The following MPPED2 variants were observed in gnomAD, a reference collection of about 807,000 sequenced individuals.
MPPED2 encodes the protein metallophosphoesterase MPPED2.
Under a neutral mutation model 33.0 loss-of-function variants are expected in MPPED2, and 5 were observed. The observed-to-expected ratio is 0.15, with a 90% CI of 0.08 to 0.32. The LOEUF is 0.32. Among genes scored for constraint, MPPED2 ranks in the 10% least tolerant of loss-of-function variants. MPPED2 has a pLI of 1.00. For missense variants in MPPED2, 275 were observed against 372.1 expected (o/e 0.74, Z 2.15); for synonymous variants, 136 against 141.9 (o/e 0.96, Z 0.29).
intron 4 of MPPED2, among the ~76,000 whole-genome samples, chr11:30,482,997 C>T (rs1051368672): frequency 7.9e-5 from 12 of 152,122 alleles, no homozygotes; most frequent in Admixed American, 2.0e-4. Context: ...TAATCTTGAA[C>T]GGCACATACA....
chr11:30,585,342 G>C (rs962498146), intron 1 of MPPED2, among the ~76,000 whole-genome samples: 2 of 151,990 alleles, frequency 1.3e-5, no homozygotes, highest in African/African-American at 4.8e-5. Flanking sequence ...GTTGGGGCGC[G>C]GGGACGGGGT....
At chr11:30,535,809 A>G (rs541839200) in intron 3 of MPPED2, among the ~76,000 whole-genome samples, 185 bp downstream of exon 3, 1 of 152,166 alleles carries the variant, frequency 6.6e-6, no homozygotes, top group Non-Finnish European at 1.5e-5. Context: ...AAGGATGCAC[A>G]GTAAAATTAA....
At chr11:30,507,631 T>C (rs1952909840) in intron 3 of MPPED2, among the ~76,000 whole-genome samples, 1 of 152,204 alleles carries the variant, frequency 6.6e-6, no homozygotes, top group African/African-American at 2.4e-5. Flanking sequence ...ACCATATTCA[T>C]TTCCTTTTCC....
At chr11:30,546,059 A>G (rs1328913676) in intron 2 of MPPED2, among the ~76,000 whole-genome samples, 2 of 152,132 alleles carry the variant, frequency 1.3e-5, no homozygotes, top group Non-Finnish European at 2.9e-5. Flanking sequence ...ACCTCTGGTG[A>G]TCTGCCTGCC....
intron 3 of MPPED2, among the ~76,000 whole-genome samples, chr11:30,515,404 T>G (rs1217971720): frequency 6.6e-6 from 1 of 152,102 alleles, no homozygotes; most frequent in Non-Finnish European, 1.5e-5. Flanking sequence ...ATTTAATAAG[T>G]CTGAACTAGA....
chr11:30,453,409 C>T (rs1254793534), intron 4 of MPPED2, among the ~76,000 whole-genome samples: 1 of 152,084 alleles, frequency 6.6e-6, no homozygotes, highest in Non-Finnish European at 1.5e-5. Context: ...TTTCCAGGAG[C>T]CCTAGCAAAA....
Position 30,580,306 on chromosome 11 carries a change from G to A in MPPED2, c.68C>T (p.Thr23Ile). 6.2e-7 allele frequency: 1 copy of A among 1,614,096 alleles called. No individual in the cohort carries two copies. Among genetic ancestry groups the A allele is most frequent in the South Asian group, 1.1e-5 (1 of 91,078 alleles). ...GATGTTGTAGTGCGTGAATGCCTGG[G>A]TGGGGTTTGAGCTGTACTCATCCAC... The part of the protein sequence containing the change: ...ITVDEYSSNP[T>I]QAFTHYNINQ... Residue 23 changes from threonine (T) to isoleucine (I), a missense_variant, in exon 2 of 7, where the codon ACC becomes ATC. Transcript: ENST00000358117.
At chr11:30,386,977 G>C (rs1425246671) in exon 7 of MPPED2, 3 of 388,056 alleles carry the variant, frequency 7.7e-6, no homozygotes, top group Non-Finnish European at 4.5e-6. Context: ...TACAATCCAT[G>C]GCTTGCAGAT....
intron 4 of MPPED2, among the ~76,000 whole-genome samples, chr11:30,425,244 G>A (rs1363705965): frequency 6.6e-6 from 1 of 152,036 alleles, no homozygotes; most frequent in Non-Finnish European, 1.5e-5. Context: ...AAACACACCC[G>A]CTGTGTCCCT....
chr11:30,572,383 A>G (rs551433469), intron 2 of MPPED2, among the ~76,000 whole-genome samples: 2 of 152,274 alleles, frequency 1.3e-5, no homozygotes, highest in South Asian at 4.1e-4. Flanking sequence ...GTCACGGACC[A>G]CAAGACAGGT....
intron 2 of MPPED2, among the ~76,000 whole-genome samples, chr11:30,561,494 T>A (rs1051661267): frequency 2.6e-5 from 4 of 152,098 alleles, no homozygotes; most frequent in Non-Finnish European, 5.9e-5. Context: ...AGATGCTCAG[T>A]TTTTAAAGGT....
intron 4 of MPPED2, among the ~76,000 whole-genome samples, chr11:30,493,135 G>T (rs959602305): frequency 2.0e-5 from 3 of 152,030 alleles, no homozygotes; most frequent in Non-Finnish European, 1.5e-5. Context: ...AAAATATCTC[G>T]CACTTTGGGA....
At chr11:30,577,256 G>C (rs1956971335) in intron 2 of MPPED2, among the ~76,000 whole-genome samples, 1 of 152,160 alleles carries the variant, frequency 6.6e-6, no homozygotes, top group Non-Finnish European at 1.5e-5. Context: ...TAAATGGGAA[G>C]TGAGCTCTTC....
intron 2 of MPPED2, among the ~76,000 whole-genome samples, chr11:30,545,725 G>A (rs1261663117): frequency 2.0e-5 from 3 of 152,114 alleles, no homozygotes; most frequent in Non-Finnish European, 4.4e-5. Context: ...GATAGGCGGT[G>A]GCTCTGCTCC....
chr11:30,537,939 A>T (rs566431870), intron 2 of MPPED2, among the ~76,000 whole-genome samples: 1 of 149,094 alleles, frequency 6.7e-6, no homozygotes, highest in East Asian at 2.0e-4. Context: ...ACTTGGTTAC[A>T]CTCAGTCTCG....
At chr11:30,468,980 T>A (rs748111880) in intron 4 of MPPED2, 8 of 152,220 alleles carry the variant, frequency 5.3e-5, no homozygotes, top group Non-Finnish European at 8.8e-5. Flanking sequence ...TCTGCAAAAC[T>A]CTTCCCCTGG....
intron 6 of MPPED2, among the ~76,000 whole-genome samples, chr11:30,390,470 C>G (rs1947757775): frequency 6.6e-6 from 1 of 152,200 alleles, no homozygotes; most frequent in African/African-American, 2.4e-5. Context: ...TAAAAAAGCC[C>G]TGAAACCATC....
intron 2 of MPPED2, among the ~76,000 whole-genome samples, chr11:30,539,016 C>T (rs1954957533): frequency 6.6e-6 from 1 of 152,102 alleles, no homozygotes; most frequent in Non-Finnish European, 1.5e-5. Context: ...AAGACATTTC[C>T]ACCCACAGGC....
chr11:30,561,779 G>C (rs987431269), intron 2 of MPPED2, among the ~76,000 whole-genome samples: 5 of 152,180 alleles, frequency 3.3e-5, no homozygotes, highest in Non-Finnish European at 7.4e-5. Flanking sequence ...TGACCACAGG[G>C]TTTCTCAACC....
Sources: allele counts gnomAD v4.1 joint callset (sites outside exome capture counted in the v4.1 genomes callset), GRCh38; gene constraint gnomAD v4.1.1; transcripts MANE v1.5; gene names NCBI Gene and HGNC (gene_info 2026-07-23, HGNC 2026-07-21).